Variants in HS6ST2 observed in about 807,000 individuals in gnomAD.
The protein encoded by HS6ST2 is heparan-sulfate 6-O-sulfotransferase 2.
Under a neutral mutation model 33.0 loss-of-function variants are expected in HS6ST2, and 17 were observed. The observed-to-expected ratio is 0.52, with a 90% CI of 0.35 to 0.77. HS6ST2 has a LOEUF of 0.77. HS6ST2 is among the 30% of genes least tolerant of loss of function. The probability of loss-of-function intolerance (pLI) is 0.01; values close to 1 mark genes in which losing one functional copy is unlikely to be tolerated. For missense variants in HS6ST2, 519 were observed against 551.7 expected, an observed-to-expected ratio of 0.94 and a Z score of 0.59; for synonymous variants, 248 against 237.1, an observed-to-expected ratio of 1.05 and a Z score of -0.42.
At chrX:132,891,479 C>T (rs1253715873) in intron 2 of HS6ST2, among the ~76,000 whole-genome samples, 1 of 108,454 alleles carries the variant, frequency 9.2e-6, no homozygotes, top group South Asian at 4.1e-4. Flanking sequence ...TGGTGTGCTG[C>T]ACCCATTAAC....
chrX:132,833,752 C>T (rs370469498), intron 2 of HS6ST2, among the ~76,000 whole-genome samples: 1 of 108,029 alleles, frequency 9.3e-6, no homozygotes, highest in Admixed American at 9.9e-5. Flanking sequence ...TAAGTTTTCA[C>T]GGCCAGATCT....
chrX:132,705,967 AATTCTG>A (rs1229644113), intron 3 of HS6ST2, among the ~76,000 whole-genome samples: 1 of 111,923 alleles, frequency 8.9e-6, no homozygotes, highest in Non-Finnish European at 1.9e-5. Flanking sequence ...ATATTTTTAA[AATTCTG>A]ATTCAGTTGT....
chrX:132,914,730 C>T (rs752851636), intron 2 of HS6ST2, among the ~76,000 whole-genome samples: 17 of 111,859 alleles, frequency 1.5e-4, no homozygotes, highest in African/African-American at 3.9e-4. Context: ...TATCTTGATG[C>T]GACTAGATCA....
At chrX:132,795,387 A>G (rs1311620590) in intron 2 of HS6ST2, among the ~76,000 whole-genome samples, 3 of 111,418 alleles carry the variant, frequency 2.7e-5, no homozygotes, top group African/African-American at 9.8e-5. Context: ...CTGTGCTGAT[A>G]GGGGCTGAAG....
At chrX:132,886,872 C>T (rs7059199) in intron 2 of HS6ST2, among the ~76,000 whole-genome samples, 3 of 110,897 alleles carry the variant, frequency 2.7e-5, no homozygotes, top group East Asian at 2.9e-4. Flanking sequence ...TGGTGGCTCA[C>T]GCCTGTAATC....
At chrX:132,807,374 G>A (rs945500635) in intron 2 of HS6ST2, among the ~76,000 whole-genome samples, 2 of 110,287 alleles carry the variant, frequency 1.8e-5, no homozygotes, top group Admixed American at 1.9e-4. Context: ...TTTCAGCGAA[G>A]CCCTTAAAAA....
chrX:132,860,895 T>G (rs1602761951), intron 2 of HS6ST2, among the ~76,000 whole-genome samples: 1 of 106,244 alleles, frequency 9.4e-6, no homozygotes, highest in African/African-American at 3.5e-5. Flanking sequence ...TCAAGTGATT[T>G]TCCTGCCTCA....
intron 2 of HS6ST2, 101 bp downstream of exon 2, chrX:132,956,707 G>T: frequency 7.2e-6 from 7 of 977,576 alleles, no homozygotes; most frequent in Non-Finnish European, 9.3e-6. Context: ...AAACGCCCGG[G>T]CGTCAGGGTG....
At chrX:132,730,113 T>G in intron 2 of HS6ST2, among the ~76,000 whole-genome samples, 1 of 111,227 alleles carries the variant, frequency 9.0e-6, no homozygotes. Context: ...AGCTGAGAAT[T>G]TTGGATCTGC....
chrX:132,828,746 A>G (rs2065555606), intron 2 of HS6ST2, among the ~76,000 whole-genome samples: 1 of 94,915 alleles, frequency 1.1e-5, no homozygotes, highest in Admixed American at 1.2e-4. Flanking sequence ...ACATACACAC[A>G]CAAACATAGG....
intron 4 of HS6ST2, among the ~76,000 whole-genome samples, chrX:132,656,137 T>C (rs946775450): frequency 5.4e-5 from 6 of 111,947 alleles, no homozygotes; most frequent in African/African-American, 1.9e-4. Context: ...AGATTCAGCC[T>C]GGGTGTAGGC....
intron 4 of HS6ST2, among the ~76,000 whole-genome samples, chrX:132,660,165 G>C (rs766244927): frequency 8.9e-6 from 1 of 111,858 alleles, no homozygotes; most frequent in Admixed American, 9.5e-5. Context: ...CATAAGGACA[G>C]GGAATTTTGC....
intron 2 of HS6ST2, among the ~76,000 whole-genome samples, chrX:132,917,684 A>T (rs888798658): frequency 8.9e-5 from 10 of 112,019 alleles, no homozygotes; most frequent in African/African-American, 3.2e-4. Context: ...GATTTCAAGA[A>T]GTTAGAGCCA....
At chrX:132,725,504 G>C (rs2064383350) in intron 2 of HS6ST2, among the ~76,000 whole-genome samples, 1 of 111,912 alleles carries the variant, frequency 8.9e-6, no homozygotes, top group African/African-American at 3.2e-5. Context: ...CTAAAAGACA[G>C]GCAATAACAA....
intron 2 of HS6ST2, among the ~76,000 whole-genome samples, chrX:132,892,382 CA>C (rs748196820): frequency 8.9e-6 from 1 of 112,025 alleles, no homozygotes; most frequent in South Asian, 3.7e-4. Flanking sequence ...GGCCTCATGC[CA>C]GAGGTACAAG....
intron 2 of HS6ST2, among the ~76,000 whole-genome samples, chrX:132,789,482 C>A (rs781284746): frequency 2.7e-5 from 3 of 111,631 alleles, no homozygotes; most frequent in Non-Finnish European, 3.8e-5. Flanking sequence ...CAGAGCTCTA[C>A]AAAGAGATCA....
rs751477690 is a variant in HS6ST2 at position 132,772,708 on chromosome X, A to G, written c.948-64214T>C. 6.5e-4 allele frequency among the ~76,000 whole-genome samples: 63 copies of G among 96,377 alleles called. 1 individual carries two copies. In the South Asian group the frequency reaches 0.011, roughly 18 times the overall value. The allele number at this position is 96,377 out of a possible 115,157, so 83.7% of individuals were successfully genotyped here. On this transcript the variant is annotated intron_variant, in intron 2 of 4. Coordinates refer to ENST00000370833, the MANE Select transcript of HS6ST2 (RefSeq NM_001394073.1). ...TATAATTAACTGTAATGATTAATAT[A>G]CAATATATAAAAATATAGAACTACA...
At chrX:132,897,529 A>G (rs2066387459) in intron 2 of HS6ST2, among the ~76,000 whole-genome samples, 1 of 111,879 alleles carries the variant, frequency 8.9e-6, no homozygotes, top group African/African-American at 3.2e-5. Context: ...TCATAGGCAG[A>G]TGTGAGGATT....
intron 2 of HS6ST2, among the ~76,000 whole-genome samples, chrX:132,954,757 T>C (rs181835238): frequency 8.9e-6 from 1 of 112,437 alleles, no homozygotes; most frequent in Non-Finnish European, 1.9e-5. Context: ...GCTCTTTGAT[T>C]AGACTAGATG....
Sources: allele counts gnomAD v4.1 joint callset (sites outside exome capture counted in the v4.1 genomes callset), GRCh38; gene constraint gnomAD v4.1.1; transcripts MANE v1.5; gene names NCBI Gene and HGNC (gene_info 2026-07-23, HGNC 2026-07-21).